Variants in TSPAN9 observed in about 807,000 individuals in gnomAD.
The protein encoded by TSPAN9 is tetraspanin 9, also known as tetraspanin-9.
A neutral mutation model predicts 31.0 loss-of-function variants in TSPAN9; 16 were observed. That is an observed-to-expected ratio of 0.52 (90% CI 0.35 to 0.78). TSPAN9 has a LOEUF of 0.78. Among genes scored for constraint, TSPAN9 ranks in the 30% least tolerant of loss-of-function variants. TSPAN9 has a pLI of 0.01. For missense variants in TSPAN9, 272 were observed against 312.5 expected (o/e 0.87, Z 0.98); for synonymous variants, 145 against 121.6 (o/e 1.19, Z -1.27).
chr12:3,214,493 G>T (rs1158738791), intron 3 of TSPAN9, among the ~76,000 whole-genome samples: 1 of 152,160 alleles, frequency 6.6e-6, no homozygotes, highest in Non-Finnish European at 1.5e-5. Flanking sequence ...TTCCAGGGTG[G>T]ACGAACTCCT....
In TSPAN9 at chr12:3,181,255, TGTG is replaced by T. The variant is rs1201261786; in HGVS notation, c.-17-19918_-17-19916del. ...GAAATATTATCTACTGTGTATGAAGTGTGGTGTGTGCCAGGCACGGAATCGGGC... is the reference window on the plus strand; with the variant it reads ...GAAATATTATCTACTGTGTATGAAGTGTGTGTGCCAGGCACGGAATCGGGC... On this transcript the variant is annotated intron_variant, in intron 2 of 8. Transcript: ENST00000011898. Among the ~76,000 whole-genome samples, 3 of 151,488 alleles carry T rather than the reference TGTG, an allele frequency of 2.0e-5. No homozygotes were observed. In the East Asian group the frequency reaches 5.9e-4, roughly 30 times the overall value.
chr12:3,269,818 C>T (rs538743707), intron 3 of TSPAN9, among the ~76,000 whole-genome samples: 1 of 152,354 alleles, frequency 6.6e-6, no homozygotes, highest in African/African-American at 2.4e-5. Context: ...CTCGTGGCTG[C>T]ACTGTGCATC....
chr12:3,132,830 C>G (rs562236068), intron 2 of TSPAN9, among the ~76,000 whole-genome samples: 1 of 152,144 alleles, frequency 6.6e-6, no homozygotes, highest in Non-Finnish European at 1.5e-5. Flanking sequence ...GGCTCTCAGC[C>G]TCATCGTCCC....
intron 3 of TSPAN9, among the ~76,000 whole-genome samples, chr12:3,272,180 G>A (rs1040061901): frequency 1.3e-5 from 2 of 152,194 alleles, no homozygotes; most frequent in Admixed American, 6.5e-5. Flanking sequence ...CAGGTGCCTT[G>A]TGGGGCTCTG....
rs1293689395 is a variant in TSPAN9 at position 3,280,534 on chromosome 12, C to G, written c.432+51C>G. 18 of 1,544,176 alleles carry G rather than the reference C, an allele frequency of 1.2e-5. No individual in the cohort carries two copies. The highest frequency in any genetic ancestry group is 1.2e-5 in the Non-Finnish European group (14 of 1,133,222). On this transcript the variant is annotated intron_variant, in intron 6 of 8. Transcript: ENST00000011898. This position sits in a 1 kb window ranked among gnomAD's most constrained non-coding sequence, Gnocchi z 4.5. ...GCCAGGCAGGGAGGAGGGGTGGCGGCCGGTACTTCTAGCTGCCTTCCCCGG... is the reference window on the plus strand; with the variant it reads ...GCCAGGCAGGGAGGAGGGGTGGCGGGCGGTACTTCTAGCTGCCTTCCCCGG...
At chr12:3,273,677 C>T (rs1413379687) in intron 3 of TSPAN9, among the ~76,000 whole-genome samples, 1 of 152,196 alleles carries the variant, frequency 6.6e-6, no homozygotes, top group African/African-American at 2.4e-5. Flanking sequence ...CTCCCTCCAC[C>T]AGAGGCGGCT....
intron 2 of TSPAN9, among the ~76,000 whole-genome samples, chr12:3,129,596 A>C (rs1273152132): frequency 6.6e-6 from 1 of 152,162 alleles, no homozygotes; most frequent in Non-Finnish European, 1.5e-5. Context: ...CAATTTGTCC[A>C]CTTATGAAAT....
intron 8 of TSPAN9, 67 bp downstream of exon 8, chr12:3,281,884 A>C (rs1862902394): frequency 1.3e-6 from 2 of 1,549,144 alleles, no homozygotes; most frequent in Non-Finnish European, 8.9e-7. Context: ...AAGGAAGCAC[A>C]GAGAAGTGAA....
At chr12:3,209,234 CAA>C (rs10580349) in intron 3 of TSPAN9, among the ~76,000 whole-genome samples, 77,788 of 139,466 alleles carry the variant, frequency 0.56, 21,582 homozygotes, top group Middle Eastern at 0.73. Context: ...GACTCCATCT[CAA>C]AAAAAAAAAA....
chr12:3,246,379 C>G (rs1480051888), intron 3 of TSPAN9, among the ~76,000 whole-genome samples: 1 of 152,118 alleles, frequency 6.6e-6, no homozygotes, highest in Non-Finnish European at 1.5e-5. Flanking sequence ...CCACCTTTTC[C>G]CAGCTCCAGC....
intron 2 of TSPAN9, among the ~76,000 whole-genome samples, chr12:3,101,079 A>C (rs2098311653): frequency 6.6e-6 from 1 of 152,186 alleles, no homozygotes. Flanking sequence ...AGTCATCTGG[A>C]GGAGGGTGAC....
In TSPAN9 at chr12:3,103,370, C is replaced by G. The variant is rs1478597576; in HGVS notation, c.-18+19651C>G. Among the ~76,000 whole-genome samples, 7 of 152,188 alleles carry G rather than the reference C, an allele frequency of 4.6e-5. 1 individual carries two copies. The highest frequency in any genetic ancestry group is 4.6e-4 in the Admixed American group (7 of 15,276). Reference sequence around the variant, plus strand: ...TTCTTATGTTGGTTATCTTTCCATTCCTCACGTGCTTATCTGTATGGGATT... The same window carrying G: ...TTCTTATGTTGGTTATCTTTCCATTGCTCACGTGCTTATCTGTATGGGATT... On this transcript the variant is annotated intron_variant, in intron 2 of 8. Coordinates refer to ENST00000011898, the MANE Select transcript of TSPAN9 (RefSeq NM_006675.5).
chr12:3,174,774 G>A (rs909226680), intron 2 of TSPAN9, among the ~76,000 whole-genome samples: 6 of 66,912 alleles, frequency 9.0e-5, no homozygotes, highest in African/African-American at 1.8e-4. Flanking sequence ...AGTAGAGACG[G>A]GGTTTCACCG....
chr12:3,121,187 C>G (rs1565583075), intron 2 of TSPAN9, among the ~76,000 whole-genome samples: 1 of 152,188 alleles, frequency 6.6e-6, no homozygotes, highest in Non-Finnish European at 1.5e-5. Flanking sequence ...AATCCCATCT[C>G]ATTCTCCCAG....
intron 3 of TSPAN9, among the ~76,000 whole-genome samples, chr12:3,209,022 G>C (rs2098376829): frequency 6.6e-6 from 1 of 152,152 alleles, no homozygotes; most frequent in Admixed American, 6.5e-5. Flanking sequence ...GGATCACGAG[G>C]TCAGGAGTCC....
Position 3,283,560 on chromosome 12 carries a change from C to T in TSPAN9, c.*444C>T, listed in dbSNP as rs888401558. 4.4e-5 allele frequency: 7 copies of T among 159,758 alleles called. No individual in the cohort carries two copies. Among genetic ancestry groups the T allele is most frequent in the Non-Finnish European group, 6.8e-5 (5 of 73,312 alleles). The allele number at this position is 159,758 out of a possible 1,614,324, so 9.9% of individuals were successfully genotyped here. ...GGCACCTGGCGGGGCGGGGGTCTGC[C>T]GGCCTCTGGGCAAGGCCCCTGGAGC... is the stretch of plus-strand genomic sequence containing the variant. On this transcript the variant is annotated 3_prime_UTR_variant, in exon 9 of 9. Coordinates refer to ENST00000011898, the MANE Select transcript of TSPAN9 (RefSeq NM_006675.5).
At chr12:3,196,633 A>G (rs1405543424) in intron 2 of TSPAN9, among the ~76,000 whole-genome samples, 1 of 152,208 alleles carries the variant, frequency 6.6e-6, no homozygotes, top group African/African-American at 2.4e-5. Context: ...TCTGATGACT[A>G]AGCTGAGTGC....
chr12:3,165,303 C>T (rs1242693848), intron 2 of TSPAN9, among the ~76,000 whole-genome samples: 1 of 152,160 alleles, frequency 6.6e-6, no homozygotes, highest in Non-Finnish European at 1.5e-5. Context: ...TGCTCATCCT[C>T]TCTGTTGGTG....
At position 3,077,434 on chromosome 12, in the gene TSPAN9, C is replaced by A. The variant is rs1365579556; in HGVS notation, c.-104C>A. The A allele has an allele frequency of 6.6e-6, 1 of 151,558 alleles. No individual in the cohort carries two copies. Among genetic ancestry groups the A allele is most frequent in the Non-Finnish European group, 1.5e-5 (1 of 68,080 alleles). 9.4% of individuals were successfully genotyped at this position (151,558 alleles called of 1,614,324 possible). ...GCCGGAGCGCGAGCAGAGCGGAGACCCCCAGGTCCTGCGGGCGCGGTGAGT... is the reference window on the plus strand; with the variant it reads ...GCCGGAGCGCGAGCAGAGCGGAGACACCCAGGTCCTGCGGGCGCGGTGAGT... On this transcript the variant is annotated 5_prime_UTR_variant, in exon 1 of 9. Transcript: ENST00000011898.
Sources: allele counts gnomAD v4.1 joint callset (sites outside exome capture counted in the v4.1 genomes callset), GRCh38; gene constraint gnomAD v4.1.1; non-coding constraint Gnocchi (gnomAD v3.1); transcripts MANE v1.5; gene names NCBI Gene and HGNC (gene_info 2026-07-23, HGNC 2026-07-21).